Variants in ADNP observed in about 807,000 individuals in gnomAD.
The protein encoded by ADNP is activity-dependent neuroprotector homeobox protein.
ADNP carries 4 observed loss-of-function variants against 84.9 expected under a neutral mutation model. That is an observed-to-expected ratio of 0.05 (90% CI 0.02 to 0.11). ADNP has a LOEUF of 0.11. Ranked by LOEUF, ADNP falls within the 10% of genes least tolerant of loss-of-function variation. The probability of loss-of-function intolerance (pLI) is 1.00; values close to 1 mark genes in which losing one functional copy is unlikely to be tolerated. For synonymous variants in ADNP, 554 were observed against 468.1 expected (o/e 1.18, Z -2.37); for missense variants, 1,132 against 1,326.0 (o/e 0.85, Z 2.27).
In ADNP at chr20:50,892,349, G is replaced by A. The variant is rs1396460497; in HGVS notation, c.2365C>T (p.Leu789=). The change falls in exon 6 of 6, where the codon CTA becomes TTA. Residue 789 remains leucine, a synonymous_variant. Transcript: ENST00000621696. ...TTCCATAACCATAAACTGGCTGCTAGCTTCTCAATTTCTCTCCTGGTGGGA... is the reference window on the plus strand; with the variant it reads ...TTCCATAACCATAAACTGGCTGCTAACTTCTCAATTTCTCTCCTGGTGGGA... ...PYPTRREIEK[L]AASLWLWKSD... is the part of the protein sequence containing the mutation. 1.2e-6 allele frequency: 2 copies of A among 1,614,166 alleles called. No individual in the cohort carries two copies. The highest frequency in any genetic ancestry group is 1.7e-6 in the Non-Finnish European group (2 of 1,180,042).
chr20:50,894,528 A>AT lies in ADNP; in HGVS notation c.202-17_202-16insA. 1 of 1,557,760 alleles carries AT rather than the reference A, an allele frequency of 6.4e-7. No homozygotes were observed. The highest frequency in any genetic ancestry group is 8.6e-7 in the Non-Finnish European group (1 of 1,158,914). On this transcript the variant is annotated splice_polypyrimidine_tract_variant and intron_variant, in intron 5 of 5. Transcript: ENST00000621696. ...TCCGATAGTCCTAAAGTAAACACAA[A>AT]AACTAGAATTAGAATGCCACTTCAG...
chr20:50,924,432 GC>G (rs1275018068), intron 2 of ADNP, among the ~76,000 whole-genome samples: 1 of 152,102 alleles, frequency 6.6e-6, no homozygotes, highest in African/African-American at 2.4e-5. Flanking sequence ...ATTCATGTGA[GC>G]CCCCATTAGC....
chr20:50,921,962 C>T (rs934492471), intron 2 of ADNP, among the ~76,000 whole-genome samples: 15 of 152,146 alleles, frequency 9.9e-5, no homozygotes, highest in Admixed American at 9.8e-4. Context: ...AGGGACACAG[C>T]ATAAAGAGTG....
At chr20:50,918,165 T>A (rs1002257780) in intron 2 of ADNP, among the ~76,000 whole-genome samples, 4 of 151,384 alleles carry the variant, frequency 2.6e-5, no homozygotes, top group African/African-American at 9.8e-5. Context: ...ATAAACACAT[T>A]CTTTTTTTTT....
At chr20:50,922,155 G>T (rs572797486) in intron 2 of ADNP, among the ~76,000 whole-genome samples, 1 of 152,306 alleles carries the variant, frequency 6.6e-6, no homozygotes, top group African/African-American at 2.4e-5. Context: ...ACACCACACA[G>T]AAGTCGTGAA....
chr20:50,911,553 T>C (rs560119188), intron 2 of ADNP, among the ~76,000 whole-genome samples: 16 of 151,772 alleles, frequency 1.1e-4, no homozygotes, highest in African/African-American at 3.9e-4. Context: ...TTGCCCAGGC[T>C]GGAGTGCAAT....
chr20:50,908,551 A>G (rs945554939), intron 2 of ADNP, among the ~76,000 whole-genome samples: 31 of 151,818 alleles, frequency 2.0e-4, no homozygotes, highest in African/African-American at 6.5e-4. Context: ...AAGGCGGGCG[A>G]GTCACGAGGT....
chr20:50,930,440 C>T (rs1162634365), intron 1 of ADNP, among the ~76,000 whole-genome samples: 1 of 142,270 alleles, frequency 7.0e-6, no homozygotes, highest in Non-Finnish European at 1.5e-5. Flanking sequence ...CGTGGGGGGG[C>T]TCCTTTTGGG....
chr20:50,902,750 T>C (rs1361752953), intron 4 of ADNP, among the ~76,000 whole-genome samples: 1 of 152,214 alleles, frequency 6.6e-6, no homozygotes, highest in Non-Finnish European at 1.5e-5. Flanking sequence ...AAATGAAGTC[T>C]ACACATAAAT....
In ADNP at chr20:50,902,125, A is replaced by AT; in HGVS notation, c.109-17dup. The stretch of plus-strand genomic sequence containing the variant: ...GTTTAAAATCCTAGAAAACAGTGAA[A>AT]TAAGTTTACAAAAACATAGTGGTAT... On this transcript the variant is annotated splice_polypyrimidine_tract_variant and intron_variant, in intron 4 of 5. Coordinates refer to ENST00000621696, the MANE Select transcript of ADNP (RefSeq NM_001282531.3). 6.4e-7 allele frequency: 1 copy of AT among 1,564,640 alleles called. No homozygotes were observed. The highest frequency in any genetic ancestry group is 8.8e-7 in the Non-Finnish European group (1 of 1,135,218).
At chr20:50,920,049 T>C (rs1373072412) in intron 2 of ADNP, among the ~76,000 whole-genome samples, 3 of 146,864 alleles carry the variant, frequency 2.0e-5, no homozygotes, top group African/African-American at 7.6e-5. Context: ...GAGGCCAAGA[T>C]GGGCAGATCA....
At chr20:50,914,779 G>C (rs377321509) in intron 2 of ADNP, among the ~76,000 whole-genome samples, 20 of 152,308 alleles carry the variant, frequency 1.3e-4, no homozygotes, top group African/African-American at 4.3e-4. Flanking sequence ...TGGACTCCGT[G>C]ATGTTCCTCC....
chr20:50,915,916 T>A (rs1983475091), intron 2 of ADNP, among the ~76,000 whole-genome samples: 1 of 125,960 alleles, frequency 7.9e-6, no homozygotes, highest in African/African-American at 3.2e-5. Flanking sequence ...AGGATAATCA[T>A]ATTATAACAC....
At position 50,893,826 on chromosome 20, in the gene ADNP, C is replaced by T; in HGVS notation, c.888G>A (p.Arg296=). ...TCACCATCTGCTGTGATGGTAAAGACCGGACATTTCCAGAAGCAAGGGAAC... is the reference window on the plus strand; with the variant it reads ...TCACCATCTGCTGTGATGGTAAAGATCGGACATTTCCAGAAGCAAGGGAAC... ...RIGSLASGNV[R]SLPSQQMVNR... The change falls in exon 6 of 6, where the codon CGG becomes CGA. Residue 296 remains arginine, a synonymous_variant. Transcript: ENST00000621696. The surrounding 1 kb of genome is among the most constrained non-coding windows in gnomAD (Gnocchi z 4.4). 1.2e-6 allele frequency: 2 copies of T among 1,614,166 alleles called. No individual in the cohort carries two copies. The highest frequency in any genetic ancestry group is 1.7e-6 in the Non-Finnish European group (2 of 1,180,022).
intron 5 of ADNP, among the ~76,000 whole-genome samples, chr20:50,896,171 G>A (rs1981368820): frequency 6.6e-6 from 1 of 152,186 alleles, no homozygotes; most frequent in Admixed American, 6.5e-5. Context: ...GTTGCAGTGA[G>A]CCAAGATCAC....
chr20:50,919,282 T>C (rs60891045), intron 2 of ADNP, among the ~76,000 whole-genome samples: 2,891 of 106,514 alleles, frequency 0.027, 157 homozygotes, highest in African/African-American at 0.13. Context: ...AAAATACATA[T>C]ATTTAAGTGT....
At chr20:50,927,909 T>C (rs868787013) in intron 2 of ADNP, among the ~76,000 whole-genome samples, 3 of 152,250 alleles carry the variant, frequency 2.0e-5, no homozygotes, top group African/African-American at 7.2e-5. Context: ...TCAAATTATA[T>C]GGTCATTTTC....
chr20:50,907,771 T>G (rs145626638), intron 2 of ADNP, among the ~76,000 whole-genome samples: 136 of 150,616 alleles, frequency 9.0e-4, no homozygotes, highest in South Asian at 3.6e-3. Context: ...GTGTGTGTGT[T>G]TTTTTTTGTA....
rs1037317737 is a variant in ADNP at position 50,891,036 on chromosome 20, G to A, written c.*369C>T. ...TACACATTAGACTGGTAGCTTGTAT[G>A]TTGGCCCTACACTACCATGTGAATT... On this transcript the variant is annotated 3_prime_UTR_variant, in exon 6 of 6. Coordinates refer to ENST00000621696, the MANE Select transcript of ADNP (RefSeq NM_001282531.3). 1 of 1,041,224 alleles carries A rather than the reference G, an allele frequency of 9.6e-7. No individual in the cohort carries two copies. Among genetic ancestry groups the A allele is most frequent in the African/African-American group, 1.7e-5 (1 of 58,836 alleles). The allele number at this position is 1,041,224 out of a possible 1,614,324, so 64.5% of individuals were successfully genotyped here.
Sources: gnomAD v4.1 joint callset for allele counts (sites outside exome capture counted in the v4.1 genomes callset) on GRCh38, gnomAD v4.1.1 for gene constraint, Gnocchi (gnomAD v3.1) non-coding constraint, MANE v1.5 for transcripts, NCBI Gene and HGNC (gene_info 2026-07-23, HGNC 2026-07-21) for gene names.